SENP6: variants seen among roughly 807,000 people sequenced by gnomAD.
SENP6 encodes sentrin-specific protease 6.
A neutral mutation model predicts 134.5 loss-of-function variants in SENP6; 41 were observed. The observed-to-expected ratio is 0.30, with a 90% CI of 0.24 to 0.40. The LOEUF is 0.40. Ranked by LOEUF, SENP6 falls within the 10% of genes least tolerant of loss-of-function variation. The pLI is 1.00. For synonymous variants in SENP6, 395 were observed against 429.8 expected (o/e 0.92, Z 1.00); for missense variants, 1,248 against 1,312.5 (o/e 0.95, Z 0.76).
Position 75,711,365 on chromosome 6 carries a change from A to G in SENP6, c.2858A>G (p.Asn953Ser). The change falls in exon 21 of 24, where the codon AAC becomes AGC. Residue 953 changes from asparagine to serine, a missense_variant. Asn to Ser is a conservative substitution (Grantham distance 46). This residue lies in a region of SENP6 where 386 missense variants were observed against 395.0 expected (regional missense o/e 0.98). Transcript: ENST00000447266. ...SSDDGFLADD[N>S]CSSEIGQWHL... ...GACGATGGATTCCTCGCTGATGACA[A>G]CTGCAGTTCAGAAATAGGACAGTGG... 1 of 1,613,538 alleles carries G rather than the reference A, an allele frequency of 6.2e-7. No individual in the cohort carries two copies. Among genetic ancestry groups the G allele is most frequent in the Non-Finnish European group, 8.5e-7 (1 of 1,179,638 alleles).
chr6:75,707,021 A>G (rs1775444987), intron 19 of SENP6, among the ~76,000 whole-genome samples: 1 of 150,220 alleles, frequency 6.7e-6, no homozygotes, highest in Non-Finnish European at 1.5e-5. Context: ...TGATTGAGAG[A>G]ACCACTGATC....
intron 6 of SENP6, among the ~76,000 whole-genome samples, chr6:75,645,749 ATTC>A (rs774777959): frequency 5.9e-5 from 9 of 151,862 alleles, no homozygotes; most frequent in Non-Finnish European, 1.3e-4. Flanking sequence ...AAATGTTTAT[ATTC>A]TTGTATTTAA....
chr6:75,673,451 G>A (rs1008790644), intron 11 of SENP6, among the ~76,000 whole-genome samples: 4 of 151,006 alleles, frequency 2.6e-5, no homozygotes, highest in Non-Finnish European at 5.9e-5. Flanking sequence ...AGCCTCTTGA[G>A]TAGCTGAGAT....
At chr6:75,668,434 T>A (rs976663041) in intron 10 of SENP6, among the ~76,000 whole-genome samples, 1 of 152,028 alleles carries the variant, frequency 6.6e-6, no homozygotes, top group African/African-American at 2.4e-5. Context: ...TTTTAATTTT[T>A]AAAAAATAAA....
intron 19 of SENP6, among the ~76,000 whole-genome samples, chr6:75,705,761 C>T (rs1050285975): frequency 6.6e-5 from 10 of 151,140 alleles, no homozygotes; most frequent in African/African-American, 2.2e-4. Context: ...ACACCTTGCT[C>T]ATGGAACTAA....
rs1159658547 is a variant in SENP6, at chr6:75,713,658, T to C, written c.2979-17T>C. 5 of 1,599,482 alleles carry C rather than the reference T, an allele frequency of 3.1e-6. No homozygotes were observed. Among genetic ancestry groups the C allele is most frequent in the Non-Finnish European group, 4.3e-6 (5 of 1,167,972 alleles). The stretch of plus-strand genomic sequence containing the variant: ...TTTATATATGTGTGTATTCTTAATA[T>C]ATATGAATTATTGCAGGTATTTAGA... On this transcript the variant is annotated splice_polypyrimidine_tract_variant and intron_variant, in intron 22 of 23. Transcript: ENST00000447266.
At chr6:75,689,104 A>G (rs761721536) in intron 16 of SENP6, among the ~76,000 whole-genome samples, 2 of 152,120 alleles carry the variant, frequency 1.3e-5, no homozygotes, top group Admixed American at 6.6e-5. Flanking sequence ...GTGCACACCT[A>G]TAGTCCTAGC....
chr6:75,704,535 G>A (rs1187308696), intron 19 of SENP6, among the ~76,000 whole-genome samples: 2 of 152,228 alleles, frequency 1.3e-5, no homozygotes, highest in African/African-American at 2.4e-5. Context: ...TTGAACAAAT[G>A]TACAATCGGG....
intron 17 of SENP6, among the ~76,000 whole-genome samples, chr6:75,696,932 T>C (rs1417247917): frequency 2.0e-5 from 3 of 152,246 alleles, no homozygotes; most frequent in Non-Finnish European, 1.5e-5. Flanking sequence ...AATAAATAAT[T>C]AATAATAATA....
intron 16 of SENP6, among the ~76,000 whole-genome samples, chr6:75,681,387 G>A (rs1276696027): frequency 2.6e-5 from 4 of 151,886 alleles, no homozygotes; most frequent in South Asian, 4.1e-4. Flanking sequence ...CCACAGCTAC[G>A]CTTCCTGTAT....
At chr6:75,621,706 T>A in intron 2 of SENP6, 81 bp downstream of exon 2, 3 of 816,060 alleles carry the variant, frequency 3.7e-6, no homozygotes, top group Non-Finnish European at 6.0e-6. Flanking sequence ...TATGGAAATA[T>A]TTTTAGGAGT....
intron 1 of SENP6, among the ~76,000 whole-genome samples, chr6:75,619,942 A>T (rs1042908587): frequency 4.6e-5 from 7 of 151,860 alleles, no homozygotes; most frequent in Non-Finnish European, 1.0e-4. Flanking sequence ...AAAATTTAAA[A>T]ATTTCCTGAG....
chr6:75,690,198 A>C (rs369154009), intron 16 of SENP6, among the ~76,000 whole-genome samples: 8 of 152,350 alleles, frequency 5.3e-5, no homozygotes, highest in African/African-American at 1.2e-4. Context: ...GGCATAAGCC[A>C]CTGCTCCCAA....
intron 19 of SENP6, among the ~76,000 whole-genome samples, chr6:75,707,734 G>A (rs1473415947): frequency 2.6e-5 from 4 of 152,150 alleles, no homozygotes; most frequent in Admixed American, 6.6e-5. Context: ...GAAGTTAAGA[G>A]TACAGCAATA....
chr6:75,623,054 CTT>C, intron 2 of SENP6, among the ~76,000 whole-genome samples: 1 of 151,914 alleles, frequency 6.6e-6, no homozygotes, highest in South Asian at 2.1e-4. Context: ...TTACGAGAGA[CTT>C]TTTAATCATT....
intron 19 of SENP6, among the ~76,000 whole-genome samples, chr6:75,705,706 C>G (rs1253354140): frequency 1.3e-5 from 2 of 151,502 alleles, no homozygotes; most frequent in African/African-American, 4.9e-5. Flanking sequence ...TTGCAAACTT[C>G]TTAAACTGTG....
In SENP6 at chr6:75,634,899, G is replaced by A. The variant is rs959930581; in HGVS notation, c.458+88G>A. The A allele has an allele frequency of 6.3e-6, 5 of 797,910 alleles. No individual in the cohort carries two copies. The African/African-American group carries it at 8.7e-5, about 14-fold the overall frequency. The allele number at this position is 797,910 out of a possible 1,614,324, so 49.4% of individuals were successfully genotyped here. A position where few individuals can be genotyped will look rare whatever the true frequency, so the allele number is the denominator to read the frequency against. ...TTTTTTAACCATTTTTTTCCTTTGT[G>A]AAACCTTACTGTTTTCACTGTCTGT... On this transcript the variant is annotated intron_variant, in intron 5 of 23. Coordinates refer to ENST00000447266, the MANE Select transcript of SENP6 (RefSeq NM_015571.4).
intron 3 of SENP6, 21 bp downstream of exon 3, chr6:75,623,981 TTTC>T (rs1263129824): frequency 1.3e-6 from 2 of 1,583,690 alleles, no homozygotes; most frequent in South Asian, 2.3e-5. Flanking sequence ...CTTAAAATAT[TTTC>T]TTCTTTTACA....
rs1483758427 is a variant in SENP6, at chr6:75,678,946, G to A, written c.2075+19G>A. Reference sequence around the variant, plus strand: ...ATTTGAAGTAAGTTAATTTTCCACTGATCTTTTATTAAATCTTTAACATTC... The same window carrying A: ...ATTTGAAGTAAGTTAATTTTCCACTAATCTTTTATTAAATCTTTAACATTC... On this transcript the variant is annotated intron_variant, in intron 16 of 23. Coordinates refer to ENST00000447266, the MANE Select transcript of SENP6 (RefSeq NM_015571.4). The A allele has an allele frequency of 2.7e-6, 3 of 1,107,472 alleles. No individual in the cohort carries two copies. The African/African-American group carries it at 4.7e-5, about 17-fold the overall frequency. 68.6% of individuals were successfully genotyped at this position (1,107,472 alleles called of 1,614,324 possible).
Sources: allele counts gnomAD v4.1 joint callset (sites outside exome capture counted in the v4.1 genomes callset), GRCh38; gene constraint gnomAD v4.1.1; regional missense constraint gnomAD v4.1.1; transcripts MANE v1.5; gene names NCBI Gene and HGNC (gene_info 2026-07-23, HGNC 2026-07-21).